ITPR3: variants seen among roughly 807,000 people sequenced by gnomAD.
The protein encoded by ITPR3 is inositol 1,4,5-trisphosphate-gated calcium channel ITPR3.
In ITPR3, 173 loss-of-function variants were observed where a neutral mutation model predicts 293.2. The observed-to-expected ratio is 0.59, with a 90% CI of 0.52 to 0.67. ITPR3 has a LOEUF of 0.67. Ranked by LOEUF, ITPR3 falls within the 30% of genes least tolerant of loss-of-function variation. The pLI, the probability that ITPR3 is intolerant of heterozygous loss-of-function variation, is 0.00. For synonymous variants in ITPR3, 1,295 were observed against 1,444.4 expected, an observed-to-expected ratio of 0.90 and a Z score of 2.35; for missense variants, 2,796 against 3,592.1, an observed-to-expected ratio of 0.78 and a Z score of 5.66.
At position 33,658,645 on chromosome 6, in the gene ITPR3, T is replaced by C; in HGVS notation, c.370-25T>C. On this transcript the variant is annotated intron_variant, in intron 4 of 57. Coordinates refer to ENST00000605930, the MANE Select transcript of ITPR3 (RefSeq NM_002224.4). This position sits in a 1 kb window ranked among gnomAD's most constrained non-coding sequence, Gnocchi z 6.1. ...GGCCGACTCCTGTGGCGCGGTGACC[T>C]TCCCGCACCCCACCTGACCCCCAGC... 1 of 1,612,120 alleles carries C rather than the reference T, an allele frequency of 6.2e-7. No individual in the cohort carries two copies. The highest frequency in any genetic ancestry group is 2.2e-5 in the East Asian group (1 of 44,800).
At chr6:33,628,325 C>T (rs538156739) in intron 1 of ITPR3, among the ~76,000 whole-genome samples, 8 of 152,312 alleles carry the variant, frequency 5.3e-5, no homozygotes, top group African/African-American at 1.7e-4. Flanking sequence ...GAAAGCAGAA[C>T]GCAGATCTCT....
chr6:33,682,993 G>C lies in ITPR3; in HGVS notation c.4598-214G>C, dbSNP rs942628106. Among the ~76,000 whole-genome samples, 3 of 151,934 alleles carry C rather than the reference G, an allele frequency of 2.0e-5. No homozygotes were observed. Among genetic ancestry groups the C allele is most frequent in the Non-Finnish European group, 4.4e-5 (3 of 67,984 alleles). ...AGGAAGGGGAAGTCAGGGTAGAGCC[G>C]GGGGGAATCAAAGAGGCAGAAACTC... On this transcript the variant is annotated intron_variant, in intron 34 of 57. Transcript: ENST00000605930. The surrounding 1 kb of genome is among the most constrained non-coding windows in gnomAD (Gnocchi z 5.4).
rs779388729 is a variant in ITPR3 at position 33,658,664 on chromosome 6, C to T, written c.370-6C>T. 4.3e-6 allele frequency: 7 copies of T among 1,613,752 alleles called. No individual in the cohort carries two copies. Among genetic ancestry groups the T allele is most frequent in the Non-Finnish European group, 5.9e-6 (7 of 1,179,740 alleles). On this transcript the variant is annotated splice_polypyrimidine_tract_variant and splice_region_variant and intron_variant, in intron 4 of 57. Coordinates refer to ENST00000605930, the MANE Select transcript of ITPR3 (RefSeq NM_002224.4). The surrounding 1 kb of genome is among the most constrained non-coding windows in gnomAD (Gnocchi z 6.1). ...GTGACCTTCCCGCACCCCACCTGACCCCCAGCTCCTGCACATGAAGAGCAA... is the reference window on the plus strand; with the variant it reads ...GTGACCTTCCCGCACCCCACCTGACTCCCAGCTCCTGCACATGAAGAGCAA...
Position 33,663,811 on chromosome 6 carries a change from G to T in ITPR3, c.1079G>T (p.Gly360Val), listed in dbSNP as rs780614686. 2 of 1,614,042 alleles carry T rather than the reference G, an allele frequency of 1.2e-6. No individual in the cohort carries two copies. The highest frequency in any genetic ancestry group is 1.7e-6 in the Non-Finnish European group (2 of 1,180,020). ...TACTGCCTGGTGGCTGTGCCTCATG[G>T]CAATGACATCGCCTCTCTCTTTGAG... ...IKYCLVAVPH[G>V]NDIASLFELD... is the part of the protein sequence containing the mutation. The change falls in exon 11 of 58, where the codon GGC (glycine) becomes GTC (valine). Residue 360 changes from glycine to valine, a missense_variant. By Grantham distance (109) the Gly-to-Val change is moderately radical. Around this residue, in one of 8 missense-constraint regions of ITPR3, gnomAD observed 955 missense variants for 1,180.8 expected, o/e 0.81. Coordinates refer to ENST00000605930, the MANE Select transcript of ITPR3 (RefSeq NM_002224.4).
rs1276745405 is a variant in ITPR3 at position 33,692,304 on chromosome 6, T to C, written c.7458+376T>C. 2.6e-5 allele frequency among the ~76,000 whole-genome samples: 4 copies of C among 152,184 alleles called. No individual in the cohort carries two copies. Among genetic ancestry groups the C allele is most frequent in the Non-Finnish European group, 5.9e-5 (4 of 68,036 alleles). On this transcript the variant is annotated intron_variant, in intron 54 of 57. Transcript: ENST00000605930. The surrounding 1 kb of genome is among the most constrained non-coding windows in gnomAD (Gnocchi z 4.2). ...CGAATGTCAGGCCTTCCCCTGTTGC[T>C]TGGGAGTGAGAGGCCGCCTCCCTGG...
chr6:33,621,584 GC>G lies in ITPR3; in HGVS notation c.-15del. On this transcript the variant is annotated 5_prime_UTR_variant, in exon 1 of 58. Transcript: ENST00000605930. The surrounding 1 kb of genome is among the most constrained non-coding windows in gnomAD (Gnocchi z 7.7). Reference sequence around the variant, plus strand: ...CCCCTAGGCGCCCCCCACGCCCTGGGCCCCGGAGGGCCGCAGCCATGAGTGA... The same window carrying G: ...CCCCTAGGCGCCCCCCACGCCCTGGGCCCGGAGGGCCGCAGCCATGAGTGA... 2 of 1,569,986 alleles carry G rather than the reference GC, an allele frequency of 1.3e-6. No individual in the cohort carries two copies. Among genetic ancestry groups the G allele is most frequent in the Middle Eastern group, 1.7e-4 (1 of 6,012 alleles).
Position 33,669,076 on chromosome 6 carries a change from T to C in ITPR3, c.2109T>C (p.His703=). 1 of 1,614,110 alleles carries C rather than the reference T, an allele frequency of 6.2e-7. No homozygotes were observed. Among genetic ancestry groups the C allele is most frequent in the Non-Finnish European group, 8.5e-7 (1 of 1,180,012 alleles). Residue 703 remains histidine (H), a synonymous_variant, in exon 18 of 58, where the codon CAT becomes CAC. Coordinates refer to ENST00000605930, the MANE Select transcript of ITPR3 (RefSeq NM_002224.4). ...CGTGGACTGACAAGAATAACGAGCA[T>C]CATGAGAAGAGTGTGAGGCAGCTGG... ...WLTWTDKNNE[H]HEKSVRQLAQ...
chr6:33,659,500 T>C lies in ITPR3; in HGVS notation c.662T>C (p.Ile221Thr), dbSNP rs1764401619. 5.0e-6 allele frequency: 8 copies of C among 1,614,118 alleles called. No homozygotes were observed. The highest frequency in any genetic ancestry group is 6.8e-6 in the Non-Finnish European group (8 of 1,180,000). ...NSVNCNTSWK[I>T]NLFMQFRDHL... Reference sequence around the variant, plus strand: ...GTGAACTGCAACACCAGCTGGAAGATCAACCTGTTTATGCAGTTTCGGGAC... The same window carrying C: ...GTGAACTGCAACACCAGCTGGAAGACCAACCTGTTTATGCAGTTTCGGGAC... The change falls in exon 7 of 58, where the codon ATC (isoleucine) becomes ACC (threonine). Residue 221 changes from isoleucine (I) to threonine (T), a missense_variant. By Grantham distance (89) the Ile-to-Thr change is moderately conservative. Transcript: ENST00000605930.
In ITPR3 at chr6:33,688,782, G is replaced by T. The variant is rs1278788751; in HGVS notation, c.6694+1G>T. 6.2e-7 allele frequency: 1 copy of T among 1,614,174 alleles called. No individual in the cohort carries two copies. Among genetic ancestry groups the T allele is most frequent in the Non-Finnish European group, 8.5e-7 (1 of 1,180,002 alleles). On this transcript the variant is annotated splice_donor_variant, in intron 49 of 57. Transcript: ENST00000605930. LOFTEE classifies it high-confidence loss of function. Reference sequence around the variant, plus strand: ...CCTTACATGGAGGGCGCGTCCACAGGTGAGAACACAGGGCTGGCCGGCAGG... The same window carrying T: ...CCTTACATGGAGGGCGCGTCCACAGTTGAGAACACAGGGCTGGCCGGCAGG...
intron 2 of ITPR3, among the ~76,000 whole-genome samples, chr6:33,653,587 TA>T (rs34190159): frequency 0.23 from 34,302 of 152,144 alleles, 4,147 homozygotes; most frequent in South Asian, 0.29. Context: ...CAGTGTTTGC[TA>T]AATCCATGCA....
At position 33,675,898 on chromosome 6, in the gene ITPR3, C is replaced by T. The variant is rs762329112; in HGVS notation, c.3282+42C>T. 21 of 1,510,128 alleles carry T rather than the reference C, an allele frequency of 1.4e-5. No homozygotes were observed. Among genetic ancestry groups the T allele is most frequent in the Non-Finnish European group, 1.6e-5 (18 of 1,124,656 alleles). The allele number at this position is 1,510,128 out of a possible 1,614,324, so 93.5% of individuals were successfully genotyped here. On this transcript the variant is annotated intron_variant, in intron 25 of 57. Transcript: ENST00000605930. The surrounding 1 kb of genome is among the most constrained non-coding windows in gnomAD (Gnocchi z 5.0). ...GCCCTGGCCCTGAGCATGAGGCCTG[C>T]ACCAGGCACGGGGGGACAGTAAACG...
chr6:33,663,427 C>A, intron 9 of ITPR3, 73 bp from the exon 10 acceptor site: 1 of 1,454,848 alleles, frequency 6.9e-7, no homozygotes, highest in East Asian at 2.4e-5. Context: ...TGTAGGTGAC[C>A]ATGTTTTGCA....
chr6:33,688,266 C>G lies in ITPR3; in HGVS notation c.6403C>G (p.Gln2135Glu). The change falls in exon 48 of 58, where the codon CAG (glutamine) becomes GAG (glutamate). Residue 2135 changes from glutamine to glutamate, a missense_variant. Coordinates refer to ENST00000605930, the MANE Select transcript of ITPR3 (RefSeq NM_002224.4). ...EIVRQDRSMEQIVFPVPGICQ... is the reference protein window; with the variant it reads ...EIVRQDRSMEEIVFPVPGICQ... ...TGTGCGGCAGGACCGCAGCATGGAG[C>G]AGATCGTGTTCCCAGTGCCCGGCAT... 1.2e-6 allele frequency: 2 copies of G among 1,614,200 alleles called. No individual in the cohort carries two copies. The highest frequency in any genetic ancestry group is 1.3e-5 in the African/African-American group (1 of 75,046).
rs746167275 is a variant in ITPR3 at position 33,688,772 on chromosome 6, G to A, written c.6685G>A (p.Ala2229Thr). ...CTTCTTCTACCCTTACATGGAGGGC[G>A]CGTCCACAGGTGAGAACACAGGGCT... ...IAFFYPYMEG[A>T]STGVLDSPLI... The change falls in exon 49 of 58, where the codon GCG (alanine) becomes ACG (threonine). Residue 2229 changes from alanine to threonine, a missense_variant. Around this residue, in one of 8 missense-constraint regions of ITPR3, gnomAD observed 568 missense variants for 796.1 expected, o/e 0.71. Transcript: ENST00000605930. 19 of 1,614,058 alleles carry A rather than the reference G, an allele frequency of 1.2e-5. No homozygotes were observed. The South Asian group carries it at 1.8e-4, about 15-fold the overall frequency.
At chr6:33,625,002 G>A (rs1004839795) in intron 1 of ITPR3, among the ~76,000 whole-genome samples, 2 of 152,236 alleles carry the variant, frequency 1.3e-5, no homozygotes, top group South Asian at 2.1e-4. Flanking sequence ...ACTGCCAGCC[G>A]GCCAGCAAGG....
intron 1 of ITPR3, among the ~76,000 whole-genome samples, chr6:33,639,582 G>T (rs1214354736): frequency 6.6e-6 from 1 of 152,156 alleles, no homozygotes; most frequent in African/African-American, 2.4e-5. Context: ...AGGCATGGGG[G>T]TGTTAAGACA....
At position 33,658,515 on chromosome 6, in the gene ITPR3, A is replaced by C. The variant is rs1422445278; in HGVS notation, c.370-155A>C. On this transcript the variant is annotated intron_variant, in intron 4 of 57. Transcript: ENST00000605930. This position sits in a 1 kb window ranked among gnomAD's most constrained non-coding sequence, Gnocchi z 6.1. ...ACGTTTGTGTGTGATTGTGGTTGTG[A>C]ATGTGGGTGTCAGCCTGTATGTTTG... Among the ~76,000 whole-genome samples the C allele has an allele frequency of 6.6e-6, 1 of 152,066 alleles. No individual in the cohort carries two copies. Among genetic ancestry groups the C allele is most frequent in the Admixed American group, 6.5e-5 (1 of 15,278 alleles).
intron 49 of ITPR3, 108 bp downstream of exon 49, chr6:33,688,889 A>G: frequency 7.1e-7 from 1 of 1,413,328 alleles, no homozygotes; most frequent in Non-Finnish European, 9.9e-7. Flanking sequence ...CCAGATGCAG[A>G]GTGTGCAGAA....
intron 18 of ITPR3, among the ~76,000 whole-genome samples, chr6:33,669,952 G>T (rs961643316): frequency 6.6e-6 from 1 of 152,026 alleles, no homozygotes; most frequent in African/African-American, 2.4e-5. Flanking sequence ...CCTCTATCAA[G>T]GTTGCACCCC....
Sources: gnomAD v4.1 joint callset for allele counts (sites outside exome capture counted in the v4.1 genomes callset) on GRCh38, gnomAD v4.1.1 for gene constraint, gnomAD v4.1.1 regional missense constraint, Gnocchi (gnomAD v3.1) non-coding constraint, MANE v1.5 for transcripts, NCBI Gene and HGNC (gene_info 2026-07-23, HGNC 2026-07-21) for gene names.